AIMP1: variants seen among roughly 807,000 people sequenced by gnomAD.
AIMP1 encodes aminoacyl tRNA synthase complex-interacting multifunctional protein 1.
In AIMP1, 24 loss-of-function variants were observed where a neutral mutation model predicts 33.1. The observed-to-expected ratio is 0.73, with a 90% confidence interval of 0.53 to 1.02. The LOEUF is 1.02. Ranked by LOEUF, AIMP1 falls within the 50% of genes least tolerant of loss-of-function variation. The pLI, the probability that AIMP1 is intolerant of heterozygous loss-of-function variation, is 0.00. For synonymous variants in AIMP1, 120 were observed against 121.5 expected (o/e 0.99, Z 0.08); for missense variants, 367 against 364.8 (o/e 1.01, Z -0.05).
chr4:106,329,771 T>TC (rs1554000879), intron 4 of AIMP1, among the ~76,000 whole-genome samples: 4,380 of 119,798 alleles, frequency 0.037, 321 homozygotes, highest in Non-Finnish European at 0.058. Context: ...CTGCTACATA[T>TC]CTTTTTTTTT....
At chr4:106,327,662 T>C (rs1769503921) in intron 3 of AIMP1, 98 bp downstream of exon 3, 2 of 818,356 alleles carry the variant, frequency 2.4e-6, no homozygotes, top group South Asian at 3.2e-5. Context: ...TCTAGGCAAC[T>C]TGGACAACTT....
rs192391371 is a variant in AIMP1, at chr4:106,320,731, A to G, written c.-26+4137A>G. On this transcript the variant is annotated intron_variant, in intron 1 of 6. Transcript: ENST00000672341. ...GAAATCAGGTACAAGTAATTTTTTA[A>G]ATTAAGAAAAGTATAGCCCTCTCCC... is the stretch of plus-strand genomic sequence containing the variant. Among the ~76,000 whole-genome samples the G allele has an allele frequency of 1.3e-3, 198 of 151,840 alleles. 1 individual carries two copies. The highest frequency in any genetic ancestry group is 5.8e-3 in the South Asian group (28 of 4,800).
intron 1 of AIMP1, among the ~76,000 whole-genome samples, chr4:106,324,101 G>A (rs536346715): frequency 3.3e-5 from 5 of 151,974 alleles, no homozygotes; most frequent in East Asian, 1.9e-4. Context: ...AATCTGTTAC[G>A]TGTCTATTAT....
rs530338249 is a variant in AIMP1 at position 106,338,706 on chromosome 4, G to A, written c.772+1669G>A. ...CCCCCCCACACACAGAATCCCCACT[G>A]GGGCACTGCCTAGTGGAGCTGTGAG... On this transcript the variant is annotated intron_variant, in intron 6 of 6. Coordinates refer to ENST00000672341, the MANE Select transcript of AIMP1 (RefSeq NM_001142416.2). Among the ~76,000 whole-genome samples the A allele has an allele frequency of 4.1e-4, 62 of 152,358 alleles. 1 individual carries two copies. The highest frequency in any genetic ancestry group is 7.9e-4 in the Non-Finnish European group (54 of 68,028).
intron 1 of AIMP1, among the ~76,000 whole-genome samples, chr4:106,321,036 G>A (rs1436804694): frequency 6.6e-6 from 1 of 152,156 alleles, no homozygotes; most frequent in African/African-American, 2.4e-5. Flanking sequence ...ACGGAGTCTC[G>A]CTCACTCAGT....
chr4:106,320,793 C>T (rs931554451), intron 1 of AIMP1, among the ~76,000 whole-genome samples: 4 of 152,154 alleles, frequency 2.6e-5, no homozygotes, highest in African/African-American at 9.7e-5. Context: ...CCCTCTGATG[C>T]CGAGCCGAGG....
At chr4:106,326,307 A>G (rs1261563915) in intron 2 of AIMP1, among the ~76,000 whole-genome samples, 2 of 152,248 alleles carry the variant, frequency 1.3e-5, no homozygotes, top group Non-Finnish European at 2.9e-5. Flanking sequence ...ATACAAATTT[A>G]TGATAGGCCA....
intron 4 of AIMP1, among the ~76,000 whole-genome samples, chr4:106,329,381 A>G (rs189797323): frequency 1.6e-4 from 25 of 152,334 alleles, no homozygotes; most frequent in Non-Finnish European, 3.1e-4. Flanking sequence ...TCAGTCTTCT[A>G]GTTAGAGAAG....
intron 5 of AIMP1, among the ~76,000 whole-genome samples, chr4:106,335,982 C>T (rs1769859224): frequency 6.7e-6 from 1 of 150,142 alleles, no homozygotes; most frequent in African/African-American, 2.4e-5. Flanking sequence ...GTAGAACTAG[C>T]CCTACATGTT....
intron 4 of AIMP1, among the ~76,000 whole-genome samples, chr4:106,328,714 C>T (rs1769551890): frequency 6.6e-6 from 1 of 152,182 alleles, no homozygotes; most frequent in African/African-American, 2.4e-5. Context: ...TAGGCAACAA[C>T]CCTTGAAATT....
rs113120506 is a variant in AIMP1 at position 106,347,719 on chromosome 4, G to C, written c.*27G>C. On this transcript the variant is annotated 3_prime_UTR_variant, in exon 7 of 7. Coordinates refer to ENST00000672341, the MANE Select transcript of AIMP1 (RefSeq NM_001142416.2). ...ATGCTTCCACTACCAAAAGACATTAGAGAAAACCTTAAAAGTAATAAAGAG... is the reference window on the plus strand; with the variant it reads ...ATGCTTCCACTACCAAAAGACATTACAGAAAACCTTAAAAGTAATAAAGAG... The C allele has an allele frequency of 1.2e-4, 198 of 1,605,660 alleles. No homozygotes were observed. The highest frequency in any genetic ancestry group is 8.3e-4 in the Admixed American group (49 of 59,040).
At chr4:106,342,108 A>G (rs528372492) in intron 6 of AIMP1, among the ~76,000 whole-genome samples, 1 of 152,300 alleles carries the variant, frequency 6.6e-6, no homozygotes, top group East Asian at 1.9e-4. Flanking sequence ...TTTAGTGTAT[A>G]GAAATGCTGC....
intron 2 of AIMP1, among the ~76,000 whole-genome samples, chr4:106,326,146 T>C (rs1769446673): frequency 6.6e-6 from 1 of 152,180 alleles, no homozygotes; most frequent in Non-Finnish European, 1.5e-5. Flanking sequence ...GTATTTTGAA[T>C]AAAACAAGGT....
chr4:106,346,822 G>A (rs1193022863), intron 6 of AIMP1, among the ~76,000 whole-genome samples: 1 of 152,058 alleles, frequency 6.6e-6, no homozygotes, highest in Non-Finnish European at 1.5e-5. Context: ...GATAAAATGA[G>A]TATATTAATC....
At chr4:106,319,791 C>G (rs1332319658) in intron 1 of AIMP1, among the ~76,000 whole-genome samples, 8 of 152,112 alleles carry the variant, frequency 5.3e-5, no homozygotes, top group Non-Finnish European at 1.5e-5. Context: ...TTAGAGAATA[C>G]TAGTTCAAAT....
At chr4:106,331,969 T>C (rs1769699522) in intron 5 of AIMP1, 86 bp downstream of exon 5, 1 of 1,264,188 alleles carries the variant, frequency 7.9e-7, no homozygotes, top group African/African-American at 1.5e-5. Context: ...TAATTTTGTA[T>C]ACCATACAAC....
intron 1 of AIMP1, among the ~76,000 whole-genome samples, chr4:106,320,211 G>A (rs1204217581): frequency 3.3e-5 from 5 of 152,190 alleles, no homozygotes; most frequent in Admixed American, 2.0e-4. Flanking sequence ...AGAGATTAAT[G>A]AAATGAGCAC....
chr4:106,346,363 G>A (rs1443903950), intron 6 of AIMP1, among the ~76,000 whole-genome samples: 2 of 152,112 alleles, frequency 1.3e-5, no homozygotes, highest in African/African-American at 2.4e-5. Flanking sequence ...ACTTTCTAAA[G>A]TATGGTTTGT....
rs1472112017 is a variant in AIMP1 at position 106,348,161 on chromosome 4, A to G, written c.*469A>G. 6.6e-6 allele frequency: 1 copy of G among 152,476 alleles called. No individual in the cohort carries two copies. The highest frequency in any genetic ancestry group is 1.5e-5 in the Non-Finnish European group (1 of 68,276). The allele number at this position is 152,476 out of a possible 1,614,324, so 9.4% of individuals were successfully genotyped here. On this transcript the variant is annotated 3_prime_UTR_variant, in exon 7 of 7. Coordinates refer to ENST00000672341, the MANE Select transcript of AIMP1 (RefSeq NM_001142416.2). Reference sequence around the variant, plus strand: ...TGGTCATATTATAATAATACTGATAATGACCAACTGCTCATTCTGAAAGCC... The same window carrying G: ...TGGTCATATTATAATAATACTGATAGTGACCAACTGCTCATTCTGAAAGCC...
Sources: gnomAD v4.1 joint callset for allele counts (sites outside exome capture counted in the v4.1 genomes callset) on GRCh38, gnomAD v4.1.1 for gene constraint, MANE v1.5 for transcripts, NCBI Gene and HGNC (gene_info 2026-07-23, HGNC 2026-07-21) for gene names.